The following TPRG1 variants were observed in gnomAD, a reference collection of about 807,000 sequenced individuals.
The protein encoded by TPRG1 is tumor protein p63 regulated 1, also known as tumor protein p63-regulated gene 1 protein.
TPRG1 carries 29 observed loss-of-function variants against 29.3 expected under a neutral mutation model. The observed-to-expected ratio is 0.99, with a 90% CI of 0.74 to 1.35. The LOEUF (loss-of-function observed/expected upper bound fraction) is 1.35. Among genes scored for constraint, TPRG1 ranks in the 40% most tolerant of loss-of-function variants. The pLI is 0.00. For missense variants in TPRG1, 327 were observed against 335.0 expected, an observed-to-expected ratio of 0.98 and a Z score of 0.19; for synonymous variants, 130 against 116.8, an observed-to-expected ratio of 1.11 and a Z score of -0.73.
At chr3:189,057,855 TACACAC>T (rs1407398176) in intron 4 of TPRG1, among the ~76,000 whole-genome samples, 3 of 111,744 alleles carry the variant, frequency 2.7e-5, no homozygotes, top group African/African-American at 1.2e-4. Context: ...TGTATATATA[TACACAC>T]ATACGTATGT....
intron 4 of TPRG1, among the ~76,000 whole-genome samples, chr3:189,057,874 GTA>G (rs369924995): frequency 2.0e-3 from 241 of 120,850 alleles, no homozygotes; most frequent in African/African-American, 8.4e-3. Context: ...ACGTATGTGT[GTA>G]TATATATATA....
intron 4 of TPRG1, among the ~76,000 whole-genome samples, chr3:189,282,210 C>A: frequency 7.4e-5 from 1 of 13,520 alleles, no homozygotes; most frequent in South Asian, 2.4e-3. Flanking sequence ...CATAATAGTC[C>A]TTTCCAAAAA....
chr3:189,017,594 G>A (rs1713019015), intron 3 of TPRG1, among the ~76,000 whole-genome samples: 1 of 152,138 alleles, frequency 6.6e-6, no homozygotes, highest in African/African-American at 2.4e-5. Flanking sequence ...ATTCCATGGT[G>A]TATATGTGCC....
intron 3 of TPRG1, among the ~76,000 whole-genome samples, chr3:189,223,468 T>C (rs1440924368): frequency 6.6e-6 from 1 of 152,190 alleles, no homozygotes; most frequent in Admixed American, 6.5e-5. Context: ...ACACATTGCT[T>C]TTCTCTATAA....
At chr3:189,124,558 A>G (rs9813292) in intron 1 of TPRG1, among the ~76,000 whole-genome samples, 17,503 of 127,252 alleles carry the variant, frequency 0.14, 1,074 homozygotes, top group African/African-American at 0.21. Flanking sequence ...GTGTGTGTGT[A>G]TATATATATA....
chr3:189,040,199 T>G (rs1355270481), intron 4 of TPRG1, among the ~76,000 whole-genome samples: 1 of 152,174 alleles, frequency 6.6e-6, no homozygotes, highest in Non-Finnish European at 1.5e-5. Flanking sequence ...CTCATTGTGG[T>G]AGATGAAAGA....
chr3:189,252,176 C>T (rs1742385006), intron 4 of TPRG1, among the ~76,000 whole-genome samples: 1 of 152,174 alleles, frequency 6.6e-6, no homozygotes, highest in Non-Finnish European at 1.5e-5. Context: ...TGAGTGGACA[C>T]AGCACATGTT....
At chr3:189,164,085 T>A (rs1429824957) in intron 5 of TPRG1, among the ~76,000 whole-genome samples, 1 of 152,234 alleles carries the variant, frequency 6.6e-6, no homozygotes, top group Non-Finnish European at 1.5e-5. Flanking sequence ...GAACTCATGG[T>A]AAAAGAGAAG....
intron 4 of TPRG1, among the ~76,000 whole-genome samples, chr3:189,294,714 TTTCTA>T (rs1719591434): frequency 6.6e-6 from 1 of 152,160 alleles, no homozygotes; most frequent in Non-Finnish European, 1.5e-5. Context: ...ATCTATAAGA[TTTCTA>T]TAATATTTGA....
At chr3:189,060,877 T>C (rs1716057801) in intron 4 of TPRG1, among the ~76,000 whole-genome samples, 1 of 152,112 alleles carries the variant, frequency 6.6e-6, no homozygotes, top group South Asian at 2.1e-4. Flanking sequence ...GCCCAAAGCA[T>C]TGTACGGATT....
chr3:189,194,234 G>A (rs2108752636), intron 1 of TPRG1, among the ~76,000 whole-genome samples: 1 of 152,224 alleles, frequency 6.6e-6, no homozygotes, highest in South Asian at 2.1e-4. Context: ...GTAGAAGCCT[G>A]TGGCCATGAC....
intron 3 of TPRG1, among the ~76,000 whole-genome samples, chr3:189,013,138 T>C (rs1183486390): frequency 1.3e-5 from 2 of 152,164 alleles, no homozygotes. Flanking sequence ...CTTTCTAGCT[T>C]TTTGATGTGG....
intron 3 of TPRG1, chr3:189,219,636 T>C: frequency 3.1e-6 from 4 of 1,289,174 alleles, no homozygotes; most frequent in South Asian, 1.2e-5. Context: ...AAGTATGATA[T>C]GATGGCAATA....
At chr3:189,053,966 T>C (rs1326607394) in intron 4 of TPRG1, among the ~76,000 whole-genome samples, 1 of 152,206 alleles carries the variant, frequency 6.6e-6, no homozygotes, top group East Asian at 1.9e-4. Flanking sequence ...TTCATTGAAG[T>C]AGCACTTTCA....
Position 189,019,418 on chromosome 3 carries a change from T to C in TPRG1, c.-659-4332T>C, listed in dbSNP as rs140024335. ...TGAAATACGTCCCATCAATACCTAATTTATTGAGAGTTTTTAGCATGAAGA... is the reference window on the plus strand; with the variant it reads ...TGAAATACGTCCCATCAATACCTAACTTATTGAGAGTTTTTAGCATGAAGA... On this transcript the variant is annotated intron_variant, in intron 3 of 10. Coordinates refer to the TPRG1 transcript ENST00000433971. 9.5e-3 allele frequency among the ~76,000 whole-genome samples: 1,454 copies of C among 152,298 alleles called. 22 individuals carry two copies. The highest frequency in any genetic ancestry group is 0.034 in the African/African-American group (1,398 of 41,546).
In TPRG1 at chr3:189,324,087, G is replaced by T. The variant is rs1254027814; in HGVS notation, c.*3267G>T. The T allele has an allele frequency of 6.6e-6, 1 of 152,128 alleles. No individual in the cohort carries two copies. Among genetic ancestry groups the T allele is most frequent in the African/African-American group, 2.4e-5 (1 of 41,440 alleles). The allele number at this position is 152,128 out of a possible 1,614,324, so 9.4% of individuals were successfully genotyped here. ...AGGCCTGACCTTTGGTCATCTTAAG[G>T]TCATCTAAGGCAGAAAAGAGAAGCT... On this transcript the variant is annotated 3_prime_UTR_variant, in exon 6 of 6. Coordinates refer to ENST00000345063, the MANE Select transcript of TPRG1 (RefSeq NM_198485.4).
At chr3:189,255,796 C>G (rs769339751) in intron 4 of TPRG1, among the ~76,000 whole-genome samples, 1 of 152,112 alleles carries the variant, frequency 6.6e-6, no homozygotes, top group Non-Finnish European at 1.5e-5. Flanking sequence ...TCTAGATTTT[C>G]TAGTTTATTT....
At chr3:189,026,249 TG>T (rs1713655001) in intron 4 of TPRG1, among the ~76,000 whole-genome samples, 1 of 152,168 alleles carries the variant, frequency 6.6e-6, no homozygotes, top group South Asian at 2.1e-4. Flanking sequence ...CTTTTCTCTG[TG>T]GAGAGAGAGA....
intron 1 of TPRG1, among the ~76,000 whole-genome samples, chr3:189,203,038 C>T (rs375321236): frequency 1.3e-5 from 2 of 152,228 alleles, no homozygotes; most frequent in East Asian, 3.9e-4. Flanking sequence ...ATGGACAACC[C>T]TCATTTCAGG....
Sources: gnomAD v4.1 joint callset for allele counts (sites outside exome capture counted in the v4.1 genomes callset) on GRCh38, gnomAD v4.1.1 for gene constraint, MANE v1.5 for transcripts, NCBI Gene and HGNC (gene_info 2026-07-23, HGNC 2026-07-21) for gene names.